The following PI4KA variants were observed in gnomAD, a reference collection of about 807,000 sequenced individuals.
PI4KA encodes PI4-kinase alpha.
In PI4KA, 122 loss-of-function variants were observed where a neutral mutation model predicts 271.4. That is an observed-to-expected ratio of 0.45 (90% CI 0.39 to 0.52). PI4KA has a LOEUF of 0.52. Among genes scored for constraint, PI4KA ranks in the 20% least tolerant of loss-of-function variants. The probability of loss-of-function intolerance (pLI) is 0.00; values close to 1 mark genes in which losing one functional copy is unlikely to be tolerated. For missense variants in PI4KA, 1,969 were observed against 2,769.1 expected (o/e 0.71, Z 6.48); for synonymous variants, 1,041 against 1,078.8 (o/e 0.96, Z 0.69).
intron 18 of PI4KA, among the ~76,000 whole-genome samples, chr22:20,795,802 G>C (rs1221114066): frequency 6.6e-6 from 1 of 152,082 alleles, no homozygotes; most frequent in Non-Finnish European, 1.5e-5. Context: ...GGCCCTTAAA[G>C]TCCTCCTAGG....
rs115691816 is a variant in PI4KA at position 20,766,814 on chromosome 22, G to A, written c.2329-1121C>T. Among the ~76,000 whole-genome samples the A allele has an allele frequency of 4.5e-3, 688 of 152,196 alleles. 5 individuals are homozygous for A. Among genetic ancestry groups the A allele is most frequent in the African/African-American group, 0.016 (660 of 41,516 alleles). ...ACCCCCAAACACTTATGAGCACCTG[G>A]TATGGGCCAGGCACTGGGCCGGGAG... On this transcript the variant is annotated intron_variant, in intron 19 of 54. Transcript: ENST00000255882.
In PI4KA at chr22:20,713,344, C is replaced by T. The variant is rs999803357; in HGVS notation, c.5508G>A (p.Glu1836=). 8.1e-6 allele frequency: 13 copies of T among 1,598,968 alleles called. No homozygotes were observed. Among genetic ancestry groups the T allele is most frequent in the Non-Finnish European group, 1.1e-5 (13 of 1,172,080 alleles). ...SDSEDECSTQ[E]ADGQKISWQA... is the part of the protein sequence containing the mutation. ...GCCAGGAGATCTTCTGGCCGTCGGC[C>T]TCCTGCGTGCTGCACTCATCCTCGG... Residue 1836 remains glutamate (E), a synonymous_variant, in exon 48 of 55, where the codon GAG becomes GAA. Transcript: ENST00000255882.
At chr22:20,746,529 T>C (rs564736197) in intron 29 of PI4KA, among the ~76,000 whole-genome samples, 2 of 152,360 alleles carry the variant, frequency 1.3e-5, no homozygotes, top group East Asian at 3.9e-4. Context: ...TTCTATTTTA[T>C]GTAATAAAGC....
At chr22:20,771,149 C>A (rs945022424) in intron 19 of PI4KA, among the ~76,000 whole-genome samples, 1 of 151,874 alleles carries the variant, frequency 6.6e-6, no homozygotes, top group African/African-American at 2.4e-5. Flanking sequence ...CATACACAAG[C>A]TGTGGTGGCT....
intron 18 of PI4KA, among the ~76,000 whole-genome samples, 179 bp downstream of exon 18, chr22:20,795,967 C>A (rs1934958484): frequency 6.6e-6 from 1 of 152,170 alleles, no homozygotes; most frequent in Admixed American, 6.5e-5. Context: ...TGCCCTCTCC[C>A]CTGATCCCCA....
Position 20,799,282 on chromosome 22 carries a change from G to T in PI4KA, c.1821-6C>A. ...CGGGAATCAAGTGAGCGTCCCTACAGAAGGAAGAACAGAAGCGCCCTAGCA... is the reference window on the plus strand; with the variant it reads ...CGGGAATCAAGTGAGCGTCCCTACATAAGGAAGAACAGAAGCGCCCTAGCA... On this transcript the variant is annotated splice_region_variant and splice_polypyrimidine_tract_variant and intron_variant, in intron 15 of 54. Coordinates refer to ENST00000255882, the MANE Select transcript of PI4KA (RefSeq NM_058004.4). 3 of 1,514,800 alleles carry T rather than the reference G, an allele frequency of 2.0e-6. No individual in the cohort carries two copies. Among genetic ancestry groups the T allele is most frequent in the Non-Finnish European group, 2.6e-6 (3 of 1,135,158 alleles). 93.8% of individuals were successfully genotyped at this position (1,514,800 alleles called of 1,614,324 possible).
At chr22:20,814,496 A>T (rs165590) in intron 7 of PI4KA, among the ~76,000 whole-genome samples, 75,591 of 152,004 alleles carry the variant, frequency 0.5, 19,375 homozygotes, top group African/African-American at 0.6. Flanking sequence ...ATGCCTATAA[A>T]CCCAGAGTTT....
Position 20,756,268 on chromosome 22 carries a change from G to A in PI4KA, c.2792-3088C>T, listed in dbSNP as rs559869010. Reference sequence around the variant, plus strand: ...CGCTCATCGCCCAGGCTGGAGCGCAGTGGTGCGATCTCAGCTCACTGCAAC... The same window carrying A: ...CGCTCATCGCCCAGGCTGGAGCGCAATGGTGCGATCTCAGCTCACTGCAAC... On this transcript the variant is annotated intron_variant, in intron 23 of 54. Transcript: ENST00000255882. 1.4e-4 allele frequency among the ~76,000 whole-genome samples: 21 copies of A among 151,744 alleles called. No individual in the cohort carries two copies. In the East Asian group the frequency reaches 4.1e-3, roughly 29 times the overall value.
chr22:20,855,968 A>T (rs1297061292), intron 1 of PI4KA, among the ~76,000 whole-genome samples: 3 of 152,208 alleles, frequency 2.0e-5, no homozygotes, highest in African/African-American at 7.2e-5. Context: ...GTGCTGCTCT[A>T]TTCACTCTTC....
At chr22:20,812,819 G>A (rs985703055) in intron 8 of PI4KA, among the ~76,000 whole-genome samples, 9 of 152,190 alleles carry the variant, frequency 5.9e-5, no homozygotes, top group African/African-American at 1.9e-4. Flanking sequence ...GCCTCCCAAA[G>A]TTGGGATTAC....
chr22:20,758,941 C>A (rs1453749312), intron 23 of PI4KA, among the ~76,000 whole-genome samples: 1 of 152,218 alleles, frequency 6.6e-6, no homozygotes, highest in Non-Finnish European at 1.5e-5. Context: ...AAAATAAATT[C>A]ATGCACCTGA....
At chr22:20,824,270 T>G in intron 4 of PI4KA, 56 bp downstream of exon 4, 1 of 1,077,266 alleles carries the variant, frequency 9.3e-7, no homozygotes, top group Non-Finnish European at 1.4e-6. Flanking sequence ...TTCATCACTT[T>G]GGGACTCTAT....
intron 10 of PI4KA, among the ~76,000 whole-genome samples, chr22:20,806,993 C>T (rs1935689929): frequency 6.6e-6 from 1 of 152,062 alleles, no homozygotes; most frequent in African/African-American, 2.4e-5. Context: ...CCTTGTCCTC[C>T]CAAAGTGCTG....
rs375605368 is a variant in PI4KA at position 20,761,113 on chromosome 22, G to A, written c.2791+191C>T. Among the ~76,000 whole-genome samples the A allele has an allele frequency of 7.9e-5, 12 of 152,288 alleles. No homozygotes were observed. In the East Asian group the frequency reaches 1.3e-3, roughly 17 times the overall value. On this transcript the variant is annotated intron_variant, in intron 23 of 54. Transcript: ENST00000255882. Reference sequence around the variant, plus strand: ...GGCTAGAATGACCATCCTTCTGTTCGGGGCCCTTGCACCAGCAGTAGAACC... The same window carrying A: ...GGCTAGAATGACCATCCTTCTGTTCAGGGCCCTTGCACCAGCAGTAGAACC...
intron 32 of PI4KA, among the ~76,000 whole-genome samples, chr22:20,740,995 A>G (rs1334461738): frequency 6.6e-6 from 1 of 152,246 alleles, no homozygotes; most frequent in Admixed American, 6.5e-5. Context: ...TAAAAGTGTG[A>G]GTGATGAAAA....
intron 9 of PI4KA, among the ~76,000 whole-genome samples, chr22:20,810,435 G>A (rs1378917132): frequency 6.6e-6 from 1 of 151,924 alleles, no homozygotes. Flanking sequence ...CGTGAACCTG[G>A]GAGGCAGAGC....
chr22:20,738,219 T>C (rs1290917286), intron 32 of PI4KA, among the ~76,000 whole-genome samples: 1 of 152,116 alleles, frequency 6.6e-6, no homozygotes, highest in African/African-American at 2.4e-5. Context: ...GGGTCCCTCC[T>C]GAGCCCACAG....
intron 1 of PI4KA, among the ~76,000 whole-genome samples, chr22:20,846,085 C>A (rs1303878487): frequency 2.0e-5 from 3 of 151,648 alleles, no homozygotes; most frequent in African/African-American, 7.3e-5. Context: ...CAGTGAAACC[C>A]TGCCTCTACT....
At chr22:20,743,401 C>T (rs975528256) in intron 30 of PI4KA, among the ~76,000 whole-genome samples, 1 of 152,112 alleles carries the variant, frequency 6.6e-6, no homozygotes, top group East Asian at 1.9e-4. Flanking sequence ...ACCTTGGCCT[C>T]CCTAAGTGCT....
Sources: allele counts gnomAD v4.1 joint callset (sites outside exome capture counted in the v4.1 genomes callset), GRCh38; gene constraint gnomAD v4.1.1; transcripts MANE v1.5; gene names NCBI Gene and HGNC (gene_info 2026-07-23, HGNC 2026-07-21).